Variants in BCAS3 observed in about 807,000 individuals in gnomAD.
BCAS3 encodes BCAS4/BCAS3 fusion.
A neutral mutation model predicts 116.1 loss-of-function variants in BCAS3; 53 were observed. That is an observed-to-expected ratio of 0.46 (90% CI 0.37 to 0.57). The LOEUF is 0.57. Ranked by LOEUF, BCAS3 falls within the 20% of genes least tolerant of loss-of-function variation. BCAS3 has a pLI of 0.00. For synonymous variants in BCAS3, 391 were observed against 408.2 expected (o/e 0.96, Z 0.51); for missense variants, 917 against 1,165.4 (o/e 0.79, Z 3.10).
At chr17:60,845,579 C>T (rs540052456) in intron 7 of BCAS3, among the ~76,000 whole-genome samples, 21 of 152,174 alleles carry the variant, frequency 1.4e-4, no homozygotes, top group South Asian at 1.2e-3. Context: ...CATTTATTGA[C>T]GGTAAACTAT....
In BCAS3 at chr17:61,365,219, C is replaced by T. The variant is rs897874127; in HGVS notation, c.2426-3108C>T. Among the ~76,000 whole-genome samples the T allele has an allele frequency of 3.9e-5, 6 of 152,180 alleles. No homozygotes were observed. Among genetic ancestry groups the T allele is most frequent in the Non-Finnish European group, 5.9e-5 (4 of 68,032 alleles). On this transcript the variant is annotated intron_variant, in intron 22 of 23. Transcript: ENST00000407086. This position sits in a 1 kb window ranked among gnomAD's most constrained non-coding sequence, Gnocchi z 4.6. The stretch of plus-strand genomic sequence containing the variant: ...ACTAGCTCATGATTCTTTTCTCGTG[C>T]GTACTGTTACTTTATCCCTTAAAAT...
At chr17:61,099,541 G>T (rs2074193248) in intron 22 of BCAS3, among the ~76,000 whole-genome samples, 1 of 152,104 alleles carries the variant, frequency 6.6e-6, no homozygotes, top group Non-Finnish European at 1.5e-5. Flanking sequence ...GGTCAATTGT[G>T]TAATCAAGTG....
At chr17:61,053,120 G>A (rs2069038615) in intron 19 of BCAS3, among the ~76,000 whole-genome samples, 1 of 152,012 alleles carries the variant, frequency 6.6e-6, no homozygotes, top group African/African-American at 2.4e-5. Context: ...ATTTTGTTTG[G>A]CATTTACATA....
rs1393511672 is a variant in BCAS3, at chr17:60,993,645, G to C, written c.1486+3410G>C. ...ATTGTTGGTTAGTTCTAAAAATGATGTATTTACAGTTTGTGTGGGTAAACA... is the reference window on the plus strand; with the variant it reads ...ATTGTTGGTTAGTTCTAAAAATGATCTATTTACAGTTTGTGTGGGTAAACA... On this transcript the variant is annotated intron_variant, in intron 15 of 23. Coordinates refer to ENST00000407086, the MANE Select transcript of BCAS3 (RefSeq NM_017679.5). The surrounding 1 kb of genome is among the most constrained non-coding windows in gnomAD (Gnocchi z 4.2). Among the ~76,000 whole-genome samples the C allele has an allele frequency of 6.6e-6, 1 of 152,094 alleles. No individual in the cohort carries two copies. Among genetic ancestry groups the C allele is most frequent in the Non-Finnish European group, 1.5e-5 (1 of 67,990 alleles).
intron 7 of BCAS3, among the ~76,000 whole-genome samples, chr17:60,809,270 CAAAA>C (rs539614540): frequency 2.7e-5 from 2 of 73,896 alleles, no homozygotes; most frequent in Admixed American, 1.6e-4. Flanking sequence ...GACTCTGTCT[CAAAA>C]AAAAAAAAAA....
At chr17:61,230,415 C>T (rs1162291710) in intron 22 of BCAS3, among the ~76,000 whole-genome samples, 1 of 152,092 alleles carries the variant, frequency 6.6e-6, no homozygotes, top group Non-Finnish European at 1.5e-5. Flanking sequence ...AGGTAGTGAG[C>T]ATAGCGCCCA....
At position 60,990,338 on chromosome 17, in the gene BCAS3, A is replaced by T. The variant is rs544206688; in HGVS notation, c.1486+103A>T. 1.0e-5 allele frequency: 13 copies of T among 1,259,636 alleles called. No homozygotes were observed. In the South Asian group the frequency reaches 1.5e-4, roughly 15 times the overall value. The allele number at this position is 1,259,636 out of a possible 1,614,324, so 78.0% of individuals were successfully genotyped here. On this transcript the variant is annotated intron_variant, in intron 15 of 23. Coordinates refer to ENST00000407086, the MANE Select transcript of BCAS3 (RefSeq NM_017679.5). The surrounding 1 kb of genome is among the most constrained non-coding windows in gnomAD (Gnocchi z 5.1). ...AAACTTGTTATAGTCTGTTCATGTA[A>T]AAAGAAGATCTTAGGCTTATATGAA... is the stretch of plus-strand genomic sequence containing the variant.
chr17:60,761,996 A>C (rs1028286282), intron 6 of BCAS3, among the ~76,000 whole-genome samples: 3 of 152,020 alleles, frequency 2.0e-5, no homozygotes, highest in African/African-American at 7.3e-5. Context: ...TGGCTGCATA[A>C]ATGTCTTCTT....
Position 61,258,560 on chromosome 17 carries a change from A to G in BCAS3, c.2426-109767A>G, listed in dbSNP as rs908846564. Among the ~76,000 whole-genome samples, 3 of 152,266 alleles carry G rather than the reference A, an allele frequency of 2.0e-5. No homozygotes were observed. The highest frequency in any genetic ancestry group is 1.3e-4 in the Admixed American group (2 of 15,290). The stretch of plus-strand genomic sequence containing the variant: ...CGTTGTGTGGATTAAATGAAATTGC[A>G]TGTAAAGTGCCTGGCACAAAACAGG... On this transcript the variant is annotated intron_variant, in intron 22 of 23. Coordinates refer to ENST00000407086, the MANE Select transcript of BCAS3 (RefSeq NM_017679.5). The surrounding 1 kb of genome is among the most constrained non-coding windows in gnomAD (Gnocchi z 4.7).
rs374117806 is a variant in BCAS3 at position 61,337,224 on chromosome 17, C to T, written c.2426-31103C>T. Among the ~76,000 whole-genome samples, 7 of 152,190 alleles carry T rather than the reference C, an allele frequency of 4.6e-5. No homozygotes were observed. In the East Asian group the frequency reaches 9.6e-4, roughly 21 times the overall value. ...TCGCCTCACCCGAGTGGAACAGGGA[C>T]GTGAGCCATGTCAGTGTCTGTAAAT... On this transcript the variant is annotated intron_variant, in intron 22 of 23. Coordinates refer to ENST00000407086, the MANE Select transcript of BCAS3 (RefSeq NM_017679.5). The surrounding 1 kb of genome is among the most constrained non-coding windows in gnomAD (Gnocchi z 4.8).
rs994629114 is a variant in BCAS3, at chr17:61,198,441, G to A, written c.2425+113877G>A. On this transcript the variant is annotated intron_variant, in intron 22 of 23. Transcript: ENST00000407086. The surrounding 1 kb of genome is among the most constrained non-coding windows in gnomAD (Gnocchi z 5.0). ...AGGCCTGAGCCACTGTGCCCAGCCCGATATGTTGATTTTCAAATAATTCAT... is the reference window on the plus strand; with the variant it reads ...AGGCCTGAGCCACTGTGCCCAGCCCAATATGTTGATTTTCAAATAATTCAT... Among the ~76,000 whole-genome samples, 2 of 152,046 alleles carry A rather than the reference G, an allele frequency of 1.3e-5. No individual in the cohort carries two copies. Among genetic ancestry groups the A allele is most frequent in the Non-Finnish European group, 2.9e-5 (2 of 67,996 alleles).
intron 5 of BCAS3, among the ~76,000 whole-genome samples, chr17:60,729,053 T>C (rs1336770014): frequency 6.6e-6 from 1 of 152,212 alleles, no homozygotes; most frequent in African/African-American, 2.4e-5. Context: ...TTGCATGCAT[T>C]GAACTTCATA....
In BCAS3 at chr17:61,319,807, T is replaced by C. The variant is rs1420960497; in HGVS notation, c.2426-48520T>C. On this transcript the variant is annotated intron_variant, in intron 22 of 23. Coordinates refer to ENST00000407086, the MANE Select transcript of BCAS3 (RefSeq NM_017679.5). ...AGTATGTGTCTTTGAGGGTAGGCTT[T>C]AAATTTCCTTTGTGCATAAACTCAC... Among the ~76,000 whole-genome samples the C allele has an allele frequency of 5.3e-5, 8 of 152,154 alleles. No individual in the cohort carries two copies. In the East Asian group the frequency reaches 1.5e-3, roughly 29 times the overall value.
intron 5 of BCAS3, among the ~76,000 whole-genome samples, chr17:60,734,837 A>G (rs2040811175): frequency 6.6e-6 from 1 of 152,186 alleles, no homozygotes; most frequent in African/African-American, 2.4e-5. Flanking sequence ...AAACTTTAGA[A>G]TTGATTTGTT....
At chr17:61,192,098 T>C (rs2080169140) in intron 22 of BCAS3, among the ~76,000 whole-genome samples, 1 of 151,488 alleles carries the variant, frequency 6.6e-6, no homozygotes, top group African/African-American at 2.4e-5. Flanking sequence ...TTACAAAAAT[T>C]AGCTGGGCGT....
chr17:61,372,011 A>G (rs947565343), intron 23 of BCAS3, among the ~76,000 whole-genome samples: 32 of 152,196 alleles, frequency 2.1e-4, no homozygotes, highest in African/African-American at 7.5e-4. Flanking sequence ...CCTTTTTGCT[A>G]ATATCCTTCT....
In BCAS3 at chr17:61,128,292, G is replaced by A. The variant is rs944672349; in HGVS notation, c.2425+43728G>A. ...TTGACTTAAATCAGATTTCATCTAC[G>A]GCTGAGATGCAGAGGAGAGACTTAG... is the stretch of plus-strand genomic sequence containing the variant. On this transcript the variant is annotated intron_variant, in intron 22 of 23. Transcript: ENST00000407086. The surrounding 1 kb of genome is among the most constrained non-coding windows in gnomAD (Gnocchi z 4.1). 59 of 985,254 alleles carry A rather than the reference G, an allele frequency of 6.0e-5. No homozygotes were observed. The highest frequency in any genetic ancestry group is 1.1e-4 in the East Asian group (1 of 8,820). The allele number at this position is 985,254 out of a possible 1,614,324, so 61.0% of individuals were successfully genotyped here.
chr17:60,988,360 T>TTTTTTG (rs1555651709), intron 14 of BCAS3, among the ~76,000 whole-genome samples: 7 of 134,866 alleles, frequency 5.2e-5, no homozygotes, highest in African/African-American at 2.2e-4. Flanking sequence ...TTTTTTTTTT[T>TTTTTTG]ATGTATGTGT....
chr17:60,904,281 G>T (rs931824795), intron 11 of BCAS3, among the ~76,000 whole-genome samples: 5 of 152,096 alleles, frequency 3.3e-5, no homozygotes, highest in African/African-American at 1.2e-4. Flanking sequence ...GCGGGTGCCT[G>T]TAGTCCCAGC....
Sources: gnomAD v4.1 joint callset for allele counts (sites outside exome capture counted in the v4.1 genomes callset) on GRCh38, gnomAD v4.1.1 for gene constraint, Gnocchi (gnomAD v3.1) non-coding constraint, MANE v1.5 for transcripts, NCBI Gene and HGNC (gene_info 2026-07-23, HGNC 2026-07-21) for gene names.